Variants in IL1RAPL1 observed in about 807,000 individuals in gnomAD.
IL1RAPL1 encodes the protein interleukin-1 receptor accessory protein-like 1.
IL1RAPL1 carries 3 observed loss-of-function variants against 48.4 expected under a neutral mutation model. That is an observed-to-expected ratio of 0.06 (90% CI 0.03 to 0.16). The LOEUF (loss-of-function observed/expected upper bound fraction) is 0.16, where lower values mean the gene tolerates loss of function less well. Ranked by LOEUF, IL1RAPL1 falls within the 10% of genes least tolerant of loss-of-function variation. The pLI is 1.00. For missense variants in IL1RAPL1, 349 were observed against 530.6 expected (o/e 0.66, Z 3.36); for synonymous variants, 185 against 187.7 (o/e 0.99, Z 0.12).
intron 3 of IL1RAPL1, among the ~76,000 whole-genome samples, chrX:29,343,720 ATTGAT>A (rs1933112714): frequency 2.7e-5 from 2 of 75,428 alleles, no homozygotes; most frequent in South Asian, 1.0e-3. Flanking sequence ...ATGAGAAAAG[ATTGAT>A]TTGTAGTTTT....
chrX:28,659,810 TAA>T (rs767885323), intron 1 of IL1RAPL1, among the ~76,000 whole-genome samples: 21 of 99,228 alleles, frequency 2.1e-4, no homozygotes, highest in African/African-American at 4.0e-4. Context: ...GGTTTCTTGG[TAA>T]AAAAAAAAAA....
At position 28,793,374 on chromosome X, in the gene IL1RAPL1, T is replaced by TTTCCTTCC. The variant is rs771915549; in HGVS notation, c.82+3960_82+3967dup. 2.0e-3 allele frequency among the ~76,000 whole-genome samples: 214 copies of TTTCCTTCC among 108,482 alleles called. 1 individual carries two copies. The highest frequency in any genetic ancestry group is 3.2e-3 in the Non-Finnish European group (171 of 52,875). 94.2% of individuals were successfully genotyped at this position (108,482 alleles called of 115,157 possible). A position where few individuals can be genotyped will look rare whatever the true frequency, so the allele number is the denominator to read the frequency against. On this transcript the variant is annotated intron_variant, in intron 2 of 10. Transcript: ENST00000378993. ...TCCTCCCTTCTTTCCCTTTTTGTTC[T>TTTCCTTCC]TTCCTTCCTTCCTTCCTTTCTTCCT...
chrX:28,658,236 G>A (rs1433379885), intron 1 of IL1RAPL1, among the ~76,000 whole-genome samples: 1 of 111,900 alleles, frequency 8.9e-6, no homozygotes. Context: ...ATTTATTTTT[G>A]AGACGGAGTC....
chrX:29,698,127 C>G (rs987953234), intron 6 of IL1RAPL1, among the ~76,000 whole-genome samples: 1 of 109,976 alleles, frequency 9.1e-6, no homozygotes, highest in African/African-American at 3.3e-5. Context: ...AAACTTTTCC[C>G]AACTAAAGCT....
intron 6 of IL1RAPL1, among the ~76,000 whole-genome samples, chrX:29,858,040 G>A (rs1261003718): frequency 8.9e-6 from 1 of 111,772 alleles, no homozygotes; most frequent in African/African-American, 3.2e-5. Context: ...TGTACTTGCT[G>A]TTTTCCAAGT....
At chrX:29,502,831 G>A (rs946107175) in intron 5 of IL1RAPL1, among the ~76,000 whole-genome samples, 34 of 111,701 alleles carry the variant, frequency 3.0e-4, no homozygotes, top group African/African-American at 1.1e-3. Context: ...GAGTTTGGAA[G>A]TATTTTCTTT....
At chrX:29,833,631 T>C (rs1394892072) in intron 6 of IL1RAPL1, among the ~76,000 whole-genome samples, 3 of 111,529 alleles carry the variant, frequency 2.7e-5, no homozygotes, top group African/African-American at 9.8e-5. Flanking sequence ...AAATGGTATG[T>C]TTTTCAAAAA....
intron 3 of IL1RAPL1, among the ~76,000 whole-genome samples, chrX:29,394,390 C>A (rs1933896101): frequency 8.9e-6 from 1 of 112,096 alleles, no homozygotes; most frequent in African/African-American, 3.2e-5. Context: ...TTCAGTCTTG[C>A]TTCTGTGCAT....
chrX:29,630,468 T>C (rs2147079027), intron 5 of IL1RAPL1, among the ~76,000 whole-genome samples: 1 of 111,793 alleles, frequency 8.9e-6, no homozygotes, highest in Non-Finnish European at 1.9e-5. Flanking sequence ...GAATTGTCAA[T>C]ACAACTATTT....
At chrX:28,791,101 T>G (rs1332452812) in intron 2 of IL1RAPL1, among the ~76,000 whole-genome samples, 2 of 108,328 alleles carry the variant, frequency 1.8e-5, no homozygotes, top group Admixed American at 2.0e-4. Flanking sequence ...ATAAAATCTG[T>G]TTTTTTTTCA....
At chrX:29,292,603 T>C (rs757330492) in intron 3 of IL1RAPL1, among the ~76,000 whole-genome samples, 1 of 111,761 alleles carries the variant, frequency 8.9e-6, no homozygotes, top group East Asian at 2.8e-4. Flanking sequence ...ATTTATGCCA[T>C]AAGGAGTCTT....
chrX:29,537,626 TAAAA>T (rs149419868), intron 5 of IL1RAPL1, among the ~76,000 whole-genome samples: 1 of 83,521 alleles, frequency 1.2e-5, no homozygotes, highest in Non-Finnish European at 2.4e-5. Context: ...GAATATTTGG[TAAAA>T]AAAAAAAAAA....
Position 28,973,953 on chromosome X carries a change from A to G in IL1RAPL1, c.82+184528A>G, listed in dbSNP as rs141753901. On this transcript the variant is annotated intron_variant, in intron 2 of 10. Transcript: ENST00000378993. ...GGTTTATGATCTAGCCTAGGACTCAATTAGAACATTAATTTTGAAAAGTTA... is the reference window on the plus strand; with the variant it reads ...GGTTTATGATCTAGCCTAGGACTCAGTTAGAACATTAATTTTGAAAAGTTA... Among the ~76,000 whole-genome samples, 666 of 112,704 alleles carry G rather than the reference A, an allele frequency of 5.9e-3. 2 individuals are homozygous for G. The highest frequency in any genetic ancestry group is 0.032 in the Middle Eastern group (7 of 216).
chrX:29,888,304 A>T (rs1932209598), intron 6 of IL1RAPL1, among the ~76,000 whole-genome samples: 1 of 108,000 alleles, frequency 9.3e-6, no homozygotes, highest in African/African-American at 3.4e-5. Context: ...GCTCACCGCA[A>T]CCTCTGCCTC....
At chrX:29,392,081 A>G (rs1009614232) in intron 3 of IL1RAPL1, among the ~76,000 whole-genome samples, 1 of 111,791 alleles carries the variant, frequency 8.9e-6, no homozygotes, top group Admixed American at 9.5e-5. Flanking sequence ...CCTCACTAGA[A>G]AGGATAGTGG....
At chrX:29,056,918 AT>A (rs1490419223) in intron 2 of IL1RAPL1, among the ~76,000 whole-genome samples, 1 of 112,325 alleles carries the variant, frequency 8.9e-6, no homozygotes, top group African/African-American at 3.2e-5. Context: ...ATTAAATGAA[AT>A]TAACACATTA....
chrX:28,737,982 GA>G (rs1935864137), intron 1 of IL1RAPL1, among the ~76,000 whole-genome samples: 1 of 110,017 alleles, frequency 9.1e-6, no homozygotes, highest in South Asian at 3.9e-4. Flanking sequence ...AGGAAGGAAG[GA>G]AAGAGTCAGG....
At chrX:28,827,853 C>T (rs1232797415) in intron 2 of IL1RAPL1, among the ~76,000 whole-genome samples, 1 of 111,857 alleles carries the variant, frequency 8.9e-6, no homozygotes, top group Admixed American at 9.5e-5. Context: ...TTTAATCTAC[C>T]TGTGAAAATC....
chrX:29,168,669 T>A (rs1929839988), intron 2 of IL1RAPL1, among the ~76,000 whole-genome samples: 1 of 96,204 alleles, frequency 1.0e-5, no homozygotes, highest in Non-Finnish European at 2.0e-5. Context: ...ATTGTATATA[T>A]ATTGTATATA....
Sources: allele counts gnomAD v4.1 joint callset (sites outside exome capture counted in the v4.1 genomes callset), GRCh38; gene constraint gnomAD v4.1.1; transcripts MANE v1.5; gene names NCBI Gene and HGNC (gene_info 2026-07-23, HGNC 2026-07-21).